GRIN2A: variants seen among roughly 807,000 people sequenced by gnomAD.
GRIN2A encodes the protein glutamate ionotropic receptor NMDA type subunit 2A.
In GRIN2A, 22 loss-of-function variants were observed where a neutral mutation model predicts 113.4. The observed-to-expected ratio is 0.19, with a 90% confidence interval of 0.14 to 0.28. The LOEUF (loss-of-function observed/expected upper bound fraction) is 0.28, where lower values mean the gene tolerates loss of function less well. GRIN2A is among the 10% of genes least tolerant of loss of function. The pLI is 1.00. For missense variants in GRIN2A, 1,502 were observed against 1,887.0 expected (o/e 0.80, Z 3.78); for synonymous variants, 827 against 738.4 (o/e 1.12, Z -1.94).
intron 5 of GRIN2A, among the ~76,000 whole-genome samples, chr16:9,848,090 C>G (rs1452858678): frequency 1.4e-5 from 2 of 145,040 alleles, no homozygotes; most frequent in Non-Finnish European, 3.0e-5. Flanking sequence ...TGTACATTAA[C>G]TATATATTTT....
At chr16:9,918,378 T>C (rs999047092) in intron 3 of GRIN2A, among the ~76,000 whole-genome samples, 1 of 152,226 alleles carries the variant, frequency 6.6e-6, no homozygotes, top group African/African-American at 2.4e-5. Context: ...ATAAAGTTCA[T>C]GAATTAGGCA....
chr16:10,149,033 C>T (rs2049506578), intron 2 of GRIN2A, among the ~76,000 whole-genome samples: 1 of 152,166 alleles, frequency 6.6e-6, no homozygotes, highest in South Asian at 2.1e-4. Context: ...GTTGAACCCA[C>T]AGACAGAGAG....
At chr16:9,855,435 C>T (rs1265152639) in intron 4 of GRIN2A, among the ~76,000 whole-genome samples, 1 of 152,128 alleles carries the variant, frequency 6.6e-6, no homozygotes, top group Non-Finnish European at 1.5e-5. Context: ...GAAAATGAGC[C>T]TCTGTAGCAG....
intron 4 of GRIN2A, among the ~76,000 whole-genome samples, chr16:9,880,436 C>A (rs1277458669): frequency 6.6e-6 from 1 of 152,136 alleles, no homozygotes; most frequent in Non-Finnish European, 1.5e-5. Context: ...CTAATAGCTG[C>A]ACAAAACTTT....
intron 4 of GRIN2A, among the ~76,000 whole-genome samples, chr16:9,850,937 C>A (rs2042872627): frequency 6.6e-6 from 1 of 152,168 alleles, no homozygotes; most frequent in Admixed American, 6.5e-5. Context: ...TCTCCTCCTG[C>A]TCCCACACGC....
intron 10 of GRIN2A, among the ~76,000 whole-genome samples, chr16:9,813,325 G>A (rs1292939627): frequency 6.6e-6 from 1 of 152,108 alleles, no homozygotes; most frequent in Non-Finnish European, 1.5e-5. Context: ...GTATATATGC[G>A]TTGACAATAC....
chr16:9,945,391 G>A (rs909105105), intron 2 of GRIN2A, among the ~76,000 whole-genome samples: 6 of 152,032 alleles, frequency 3.9e-5, no homozygotes, highest in African/African-American at 4.8e-5. Context: ...GCGAGGGTTC[G>A]TCAAGTTCAG....
intron 3 of GRIN2A, among the ~76,000 whole-genome samples, chr16:9,903,771 T>G (rs11074500): frequency 0.015 from 2,220 of 152,306 alleles, 69 homozygotes; most frequent in East Asian, 0.14. Flanking sequence ...TTTATGTTGG[T>G]CCCAACCACT....
chr16:9,792,486 G>A (rs1446140770), intron 11 of GRIN2A, among the ~76,000 whole-genome samples: 1 of 152,084 alleles, frequency 6.6e-6, no homozygotes, highest in Non-Finnish European at 1.5e-5. Context: ...AGGCTCCTGA[G>A]TAGTTAAGAT....
intron 2 of GRIN2A, among the ~76,000 whole-genome samples, chr16:10,153,412 C>G (rs1259878247): frequency 6.6e-6 from 1 of 152,112 alleles, no homozygotes; most frequent in Non-Finnish European, 1.5e-5. Flanking sequence ...TGCTCCTGCC[C>G]AGGTGGAGTT....
At chr16:10,147,550 C>G (rs1478911067) in intron 2 of GRIN2A, among the ~76,000 whole-genome samples, 1 of 149,424 alleles carries the variant, frequency 6.7e-6, no homozygotes, top group Admixed American at 6.7e-5. Context: ...GTGGGAGGAT[C>G]TCTTGAGCCT....
At chr16:9,956,420 G>T (rs1211778914) in intron 2 of GRIN2A, among the ~76,000 whole-genome samples, 1 of 152,098 alleles carries the variant, frequency 6.6e-6, no homozygotes, top group East Asian at 1.9e-4. Context: ...GATCTTTAGA[G>T]CTTCAGTCTC....
intron 2 of GRIN2A, among the ~76,000 whole-genome samples, chr16:9,948,361 G>A (rs1284369405): frequency 1.3e-5 from 2 of 152,172 alleles, no homozygotes; most frequent in Non-Finnish European, 2.9e-5. Context: ...GTGGGGGCTG[G>A]GGCATTGCAA....
intron 2 of GRIN2A, among the ~76,000 whole-genome samples, chr16:10,084,150 A>G (rs949865635): frequency 3.3e-5 from 5 of 152,192 alleles, no homozygotes; most frequent in African/African-American, 1.2e-4. Flanking sequence ...AAGTTGACAA[A>G]TATCAAAGGC....
intron 2 of GRIN2A, among the ~76,000 whole-genome samples, chr16:10,106,267 C>A (rs944997116): frequency 3.4e-5 from 5 of 146,762 alleles, no homozygotes; most frequent in African/African-American, 1.3e-4. Context: ...TTAATTTACA[C>A]ATAAGAAAAA....
rs139537703 is a variant in GRIN2A, at chr16:9,915,005, C to T, written c.1007+22954G>A. 3.8e-3 allele frequency among the ~76,000 whole-genome samples: 505 copies of T among 132,274 alleles called. 3 individuals are homozygous for T. Among genetic ancestry groups the T allele is most frequent in the African/African-American group, 0.013 (465 of 35,960 alleles). 86.8% of individuals were successfully genotyped at this position (132,274 alleles called of 152,430 possible). On this transcript the variant is annotated intron_variant, in intron 3 of 12. Coordinates refer to ENST00000330684, the MANE Select transcript of GRIN2A (RefSeq NM_001134407.3). ...AGGCTGGAGTGCAGTGGCGCGATCT[C>T]GTCTCACTGCAAGCTCCGCCTCCCG...
At chr16:9,800,678 C>G (rs1903304743) in intron 10 of GRIN2A, among the ~76,000 whole-genome samples, 1 of 151,938 alleles carries the variant, frequency 6.6e-6, no homozygotes, top group Non-Finnish European at 1.5e-5. Context: ...AAGCTTTGAT[C>G]TCAAGGTAGG....
At chr16:9,845,316 A>G (rs2042752879) in intron 5 of GRIN2A, among the ~76,000 whole-genome samples, 1 of 152,166 alleles carries the variant, frequency 6.6e-6, no homozygotes, top group Non-Finnish European at 1.5e-5. Flanking sequence ...GTGACTCAGT[A>G]CTTGGGGATC....
chr16:10,043,501 G>A (rs550221420), intron 2 of GRIN2A, among the ~76,000 whole-genome samples: 35 of 152,246 alleles, frequency 2.3e-4, no homozygotes, highest in Non-Finnish European at 2.2e-4. Context: ...TCCAAAGCAG[G>A]ACAGGTCTTG....
Sources: allele counts gnomAD v4.1 joint callset (sites outside exome capture counted in the v4.1 genomes callset), GRCh38; gene constraint gnomAD v4.1.1; transcripts MANE v1.5; gene names NCBI Gene and HGNC (gene_info 2026-07-23, HGNC 2026-07-21).